Variants in HABP4 observed in about 807,000 individuals in gnomAD.
HABP4 encodes the protein hyaluronan binding protein 4.
A neutral mutation model predicts 44.1 loss-of-function variants in HABP4; 32 were observed. The observed-to-expected ratio is 0.73, with a 90% confidence interval of 0.55 to 0.97. HABP4 has a LOEUF of 0.97. Among genes scored for constraint, HABP4 ranks in the 50% least tolerant of loss-of-function variants. The probability of loss-of-function intolerance (pLI) is 0.00; values close to 1 mark genes in which losing one functional copy is unlikely to be tolerated. For missense variants in HABP4, 503 were observed against 561.9 expected (o/e 0.90, Z 1.06); for synonymous variants, 216 against 218.0 (o/e 0.99, Z 0.08).
Position 96,450,207 on chromosome 9 carries a change from G to C in HABP4, c.-73G>C. 1.6e-6 allele frequency: 2 copies of C among 1,241,882 alleles called. No homozygotes were observed. The highest frequency in any genetic ancestry group is 2.0e-6 in the Non-Finnish European group (2 of 988,220). The allele number at this position is 1,241,882 out of a possible 1,614,324, so 76.9% of individuals were successfully genotyped here. ...CGGTGGCGGCGGAGCGGGCGGCATG[G>C]GTCCTGGCCGCCGGCTTCGCTGAGA... On this transcript the variant is annotated 5_prime_UTR_variant, in exon 1 of 8. Coordinates refer to ENST00000375249, the MANE Select transcript of HABP4 (RefSeq NM_014282.4). This position sits in a 1 kb window ranked among gnomAD's most constrained non-coding sequence, Gnocchi z 4.8.
At position 96,465,827 on chromosome 9, in the gene HABP4, C is replaced by T. The variant is rs367863336; in HGVS notation, c.743+49C>T. On this transcript the variant is annotated intron_variant, in intron 4 of 7. Transcript: ENST00000375249. ...TGAGAACCTGCAATTAAGTGGAAAT[C>T]TCTGGATCTTTGCTTTTCTTGAAAA... is the stretch of plus-strand genomic sequence containing the variant. 5 of 974,890 alleles carry T rather than the reference C, an allele frequency of 5.1e-6. No individual in the cohort carries two copies. In the African/African-American group the frequency reaches 8.0e-5, roughly 16 times the overall value. 60.4% of individuals were successfully genotyped at this position (974,890 alleles called of 1,614,324 possible). A position where few individuals can be genotyped will look rare whatever the true frequency, so the allele number is the denominator to read the frequency against.
intron 5 of HABP4, among the ~76,000 whole-genome samples, chr9:96,482,655 A>G (rs1231037309): frequency 6.6e-6 from 1 of 151,898 alleles, no homozygotes; most frequent in Admixed American, 6.6e-5. Flanking sequence ...GTCACTCCCT[A>G]TCCTCCCTCC....
chr9:96,481,387 C>T (rs1456334836), intron 5 of HABP4, among the ~76,000 whole-genome samples: 6 of 152,172 alleles, frequency 3.9e-5, no homozygotes, highest in Middle Eastern at 3.4e-3. Flanking sequence ...CCACCGCGCC[C>T]GGCCTGTTTT....
At position 96,450,640 on chromosome 9, in the gene HABP4, CAGCGGGGTT is replaced by C; in HGVS notation, c.349+18_349+26del. On this transcript the variant is annotated intron_variant, in intron 1 of 7. Transcript: ENST00000375249. This position sits in a 1 kb window ranked among gnomAD's most constrained non-coding sequence, Gnocchi z 4.8. ...CCTGCAGGCGCCGGGTACGCGGGGA[CAGCGGGGTT>C]AGCGGACCACGGCTCGGCCCGCTGT... 3.2e-6 allele frequency: 4 copies of C among 1,262,934 alleles called. No homozygotes were observed. The highest frequency in any genetic ancestry group is 4.0e-6 in the Non-Finnish European group (4 of 1,004,244). The allele number at this position is 1,262,934 out of a possible 1,614,324, so 78.2% of individuals were successfully genotyped here.
rs1044300633 is a variant in HABP4 at position 96,454,964 on chromosome 9, T to G, written c.350-3415T>G. 2.0e-5 allele frequency among the ~76,000 whole-genome samples: 3 copies of G among 151,790 alleles called. No homozygotes were observed. In the East Asian group the frequency reaches 5.8e-4, roughly 30 times the overall value. On this transcript the variant is annotated intron_variant, in intron 1 of 7. Transcript: ENST00000375249. ...CCTGTCTCTACAAAAAAAAATTTTT[T>G]TTTTAATTAGCTGGGTGTGATGGTG...
intron 2 of HABP4, among the ~76,000 whole-genome samples, chr9:96,464,153 A>T (rs1832555936): frequency 6.6e-6 from 1 of 152,022 alleles, no homozygotes; most frequent in Non-Finnish European, 1.5e-5. Context: ...TCGTATTGTG[A>T]GTTGGGAATC....
chr9:96,463,190 A>G (rs1349177498), intron 2 of HABP4, among the ~76,000 whole-genome samples: 1 of 152,000 alleles, frequency 6.6e-6, no homozygotes, highest in Non-Finnish European at 1.5e-5. Flanking sequence ...AAGCGATCCA[A>G]CTGCGTTGGC....
At chr9:96,456,078 G>A (rs1383769089) in intron 1 of HABP4, among the ~76,000 whole-genome samples, 1 of 151,950 alleles carries the variant, frequency 6.6e-6, no homozygotes, top group African/African-American at 2.4e-5. Context: ...ATAAATAAAT[G>A]AAACATTATG....
chr9:96,483,168 T>G (rs1471540420), intron 5 of HABP4: 2 of 152,078 alleles, frequency 1.3e-5, no homozygotes, highest in Non-Finnish European at 2.9e-5. Context: ...AATGTCGTTT[T>G]GGTTCTAACC....
chr9:96,474,986 TCTC>T (rs1832758557), intron 5 of HABP4, among the ~76,000 whole-genome samples: 1 of 152,168 alleles, frequency 6.6e-6, no homozygotes, highest in Non-Finnish European at 1.5e-5. Flanking sequence ...CCTTCCATCT[TCTC>T]CTTTCATTAC....
intron 6 of HABP4, 30 bp downstream of exon 6, chr9:96,484,663 A>C: frequency 8.0e-7 from 1 of 1,256,982 alleles, no homozygotes; most frequent in Non-Finnish European, 1.2e-6. Flanking sequence ...TGTAGAGGTA[A>C]TCTTTACTTT....
chr9:96,454,939 C>T (rs967860256), intron 1 of HABP4, among the ~76,000 whole-genome samples: 1 of 151,948 alleles, frequency 6.6e-6, no homozygotes, highest in Non-Finnish European at 1.5e-5. Context: ...CAAAATGAGA[C>T]CTGTCTCTAC....
At chr9:96,468,492 C>T (rs1439871666) in intron 4 of HABP4, among the ~76,000 whole-genome samples, 1 of 152,140 alleles carries the variant, frequency 6.6e-6, no homozygotes, top group African/African-American at 2.4e-5. Context: ...ATCTCCTGAC[C>T]TCATGATCCG....
In HABP4 at chr9:96,451,932, T is replaced by G. The variant is rs113134213; in HGVS notation, c.349+1304T>G. ...TAAGCTTTTCTTCACCCTTTATTTT[T>G]TAACAAATGAAAATGCCGGGTGTGG... On this transcript the variant is annotated intron_variant, in intron 1 of 7. Transcript: ENST00000375249. 2.0e-3 allele frequency among the ~76,000 whole-genome samples: 308 copies of G among 152,250 alleles called. 1 individual carries two copies. Among genetic ancestry groups the G allele is most frequent in the Admixed American group, 1.8e-3 (27 of 15,282 alleles).
chr9:96,456,780 A>AAAAAAATAT (rs1554724388), intron 1 of HABP4, among the ~76,000 whole-genome samples: 2 of 44,770 alleles, frequency 4.5e-5, no homozygotes, highest in African/African-American at 1.8e-4. Context: ...AAAAAAAAAA[A>AAAAAAATAT]ATATATATAT....
chr9:96,457,597 G>A (rs1832416805), intron 1 of HABP4, among the ~76,000 whole-genome samples: 1 of 152,244 alleles, frequency 6.6e-6, no homozygotes, highest in Admixed American at 6.5e-5. Flanking sequence ...GCCAGGCGCT[G>A]AGGCTCATGC....
intron 2 of HABP4, among the ~76,000 whole-genome samples, chr9:96,464,764 G>A (rs1207292514): frequency 6.6e-6 from 1 of 152,182 alleles, no homozygotes; most frequent in Admixed American, 6.6e-5. Flanking sequence ...TTTATGTGGA[G>A]TAATGAGGTG....
rs1158001687 is a variant in HABP4, at chr9:96,488,492, G to A, written c.1185+218G>A. Among the ~76,000 whole-genome samples the A allele has an allele frequency of 6.6e-6, 1 of 152,132 alleles. No individual in the cohort carries two copies. The highest frequency in any genetic ancestry group is 1.5e-5 in the Non-Finnish European group (1 of 68,020). On this transcript the variant is annotated intron_variant, in intron 7 of 7. Coordinates refer to ENST00000375249, the MANE Select transcript of HABP4 (RefSeq NM_014282.4). This position sits in a 1 kb window ranked among gnomAD's most constrained non-coding sequence, Gnocchi z 4.6. ...CTGGCTTCCAGGGTCTGCTGTGAAG[G>A]CACTCCCGGGATCAGAGAGAAACTC...
Position 96,456,780 on chromosome 9 carries a change from AATATATATATATATATATATATAT to A in HABP4, c.350-1580_350-1557del, listed in dbSNP as rs71368267. 4.1e-3 allele frequency among the ~76,000 whole-genome samples: 184 copies of A among 44,778 alleles called. 3 individuals are homozygous for A. The highest frequency in any genetic ancestry group is 6.9e-3 in the South Asian group (7 of 1,020). The allele number at this position is 44,778 out of a possible 152,430, so 29.4% of individuals were successfully genotyped here. ...ATCTCAAAAAAAAAAAAAAAAAAAA[AATATATATATATATATATATATAT>A]ATATATATATATATATATCCATTAA... On this transcript the variant is annotated intron_variant, in intron 1 of 7. Coordinates refer to ENST00000375249, the MANE Select transcript of HABP4 (RefSeq NM_014282.4).
Sources: gnomAD v4.1 joint callset for allele counts (sites outside exome capture counted in the v4.1 genomes callset) on GRCh38, gnomAD v4.1.1 for gene constraint, Gnocchi (gnomAD v3.1) non-coding constraint, MANE v1.5 for transcripts, NCBI Gene and HGNC (gene_info 2026-07-23, HGNC 2026-07-21) for gene names.